The following MAGI3 variants were observed in gnomAD, a reference collection of about 807,000 sequenced individuals.
MAGI3 encodes membrane associated guanylate kinase, WW and PDZ domain containing 3.
MAGI3 carries 43 observed loss-of-function variants against 121.8 expected under a neutral mutation model. That is an observed-to-expected ratio of 0.35 (90% CI 0.28 to 0.46). The LOEUF (loss-of-function observed/expected upper bound fraction) is 0.46. MAGI3 is among the 20% of genes least tolerant of loss of function. The pLI is 1.00. For missense variants in MAGI3, 1,547 were observed against 1,797.3 expected (o/e 0.86, Z 2.52); for synonymous variants, 553 against 639.3 (o/e 0.86, Z 2.04).
At chr1:113,482,191 GGAGA>G (rs1570739863) in intron 1 of MAGI3, among the ~76,000 whole-genome samples, 1 of 152,174 alleles carries the variant, frequency 6.6e-6, no homozygotes, top group Non-Finnish European at 1.5e-5. Context: ...TCAGAAGACA[GGAGA>G]GAGAGACTTT....
intron 5 of MAGI3, 29 bp downstream of exon 5, chr1:113,590,687 G>A (rs1376897870): frequency 6.3e-7 from 1 of 1,599,578 alleles, no homozygotes; most frequent in Non-Finnish European, 8.5e-7. Context: ...CTCTTCTAAT[G>A]TGCCCTAACA....
Position 113,549,618 on chromosome 1 carries a change from G to C in MAGI3, c.420G>C (p.Leu140Phe). Residue 140 changes from leucine (L) to phenylalanine (F), a missense_variant, in exon 2 of 21, where the codon TTG becomes TTC. Coordinates refer to ENST00000307546, the MANE Select transcript of MAGI3 (RefSeq NM_001142782.2). ...LQQVIRDNLY[L>F]RTIPCTTRAP... ...AAGTGATCAGAGATAATCTCTACTT[G>C]AGAACCATTCCATGTAAGTATGTGA... 6.3e-7 allele frequency: 1 copy of C among 1,580,600 alleles called. No homozygotes were observed. Among genetic ancestry groups the C allele is most frequent in the Non-Finnish European group, 8.6e-7 (1 of 1,156,734 alleles).
At chr1:113,668,821 A>T (rs867504853) in intron 16 of MAGI3, among the ~76,000 whole-genome samples, 28 of 151,952 alleles carry the variant, frequency 1.8e-4, no homozygotes, top group South Asian at 6.3e-4. Flanking sequence ...TGACCTCATG[A>T]TCCACCCGCC....
chr1:113,405,473 TCAAAA>T (rs1557737842), intron 1 of MAGI3, among the ~76,000 whole-genome samples: 254 of 21,918 alleles, frequency 0.012, 1 homozygote, highest in African/African-American at 0.049. Flanking sequence ...TGAAACTGTC[TCAAAA>T]AAAAAAAAAA....
intron 9 of MAGI3, among the ~76,000 whole-genome samples, chr1:113,635,084 G>T (rs1651917043): frequency 1.3e-5 from 2 of 152,314 alleles, no homozygotes; most frequent in East Asian, 1.9e-4. Flanking sequence ...CATTGATTTT[G>T]TATCCTGAGA....
intron 1 of MAGI3, among the ~76,000 whole-genome samples, chr1:113,409,255 A>C (rs765609264): frequency 7.2e-5 from 11 of 152,018 alleles, no homozygotes; most frequent in Non-Finnish European, 1.6e-4. Context: ...CTTGTTAGTA[A>C]GAATTAGAAA....
At position 113,684,628 on chromosome 1, in the gene MAGI3, T is replaced by A. The variant is rs1274948827; in HGVS notation, c.*614T>A. The A allele has an allele frequency of 6.6e-6, 1 of 152,374 alleles. No individual in the cohort carries two copies. The highest frequency in any genetic ancestry group is 2.4e-5 in the African/African-American group (1 of 41,472). The allele number at this position is 152,374 out of a possible 1,614,324, so 9.4% of individuals were successfully genotyped here. A position where few individuals can be genotyped will look rare whatever the true frequency, so the allele number is the denominator to read the frequency against. On this transcript the variant is annotated 3_prime_UTR_variant, in exon 21 of 21. Coordinates refer to ENST00000307546, the MANE Select transcript of MAGI3 (RefSeq NM_001142782.2). ...AAAAAAAAATGTAGTCCAATATTGA[T>A]GCTTTCTTATGGCTTTTTATTTTAA...
chr1:113,415,449 T>TA (rs1652249290), intron 1 of MAGI3, among the ~76,000 whole-genome samples: 1 of 152,072 alleles, frequency 6.6e-6, no homozygotes, highest in Non-Finnish European at 1.5e-5. Flanking sequence ...TGAGAATGAA[T>TA]AGTTTCTCCT....
At chr1:113,600,812 C>T (rs1463077494) in intron 6 of MAGI3, among the ~76,000 whole-genome samples, 1 of 152,150 alleles carries the variant, frequency 6.6e-6, no homozygotes, top group Non-Finnish European at 1.5e-5. Flanking sequence ...CACTACCTGA[C>T]TTCAACCTAC....
chr1:113,599,872 C>T (rs1318966223), intron 6 of MAGI3, among the ~76,000 whole-genome samples: 3 of 151,934 alleles, frequency 2.0e-5, no homozygotes, highest in Admixed American at 6.5e-5. Context: ...GCTTATCCAC[C>T]GTGATCAAGT....
At chr1:113,444,325 C>T (rs1239890843) in intron 1 of MAGI3, among the ~76,000 whole-genome samples, 1 of 152,142 alleles carries the variant, frequency 6.6e-6, no homozygotes, top group Admixed American at 6.5e-5. Flanking sequence ...TATACCTACC[C>T]CCATTGTTGC....
At chr1:113,457,366 T>C (rs74111293) in intron 1 of MAGI3, among the ~76,000 whole-genome samples, 1 of 152,298 alleles carries the variant, frequency 6.6e-6, no homozygotes, top group African/African-American at 2.4e-5. Context: ...CAATTTCCCA[T>C]TTGACCCTTA....
At chr1:113,496,024 A>G (rs1416418117) in intron 1 of MAGI3, among the ~76,000 whole-genome samples, 4 of 152,206 alleles carry the variant, frequency 2.6e-5, no homozygotes, top group African/African-American at 9.6e-5. Flanking sequence ...AACCTGACTA[A>G]TGATTTTGAA....
At chr1:113,546,396 G>C (rs148307492) in intron 1 of MAGI3, among the ~76,000 whole-genome samples, 1 of 152,198 alleles carries the variant, frequency 6.6e-6, no homozygotes, top group Non-Finnish European at 1.5e-5. Flanking sequence ...AAGTGCAGCC[G>C]CACGATCTTG....
At position 113,609,351 on chromosome 1, in the gene MAGI3, G is replaced by A. The variant is rs147381606; in HGVS notation, c.1019-5250G>A. ...TAAGATCTTCTAGAAAGACCTTACA[G>A]TTTCTAAAACATGCCCTTTTCTTCC... On this transcript the variant is annotated intron_variant, in intron 6 of 20. Transcript: ENST00000307546. Among the ~76,000 whole-genome samples, 777 of 152,284 alleles carry A rather than the reference G, an allele frequency of 5.1e-3. 4 individuals are homozygous for A. Among genetic ancestry groups the A allele is most frequent in the African/African-American group, 0.018 (750 of 41,562 alleles).
intron 1 of MAGI3, among the ~76,000 whole-genome samples, chr1:113,447,790 G>A (rs766904926): frequency 9.9e-5 from 15 of 151,942 alleles, no homozygotes; most frequent in Non-Finnish European, 1.9e-4. Flanking sequence ...GGAGGCGGAC[G>A]TTGCAGTAGA....
At chr1:113,416,060 A>C (rs563423122) in intron 1 of MAGI3, among the ~76,000 whole-genome samples, 3 of 148,946 alleles carry the variant, frequency 2.0e-5, no homozygotes, top group African/African-American at 7.4e-5. Flanking sequence ...AATGACACAT[A>C]TTAATTATGT....
intron 1 of MAGI3, among the ~76,000 whole-genome samples, chr1:113,549,020 A>C (rs967066295): frequency 6.6e-6 from 1 of 152,214 alleles, no homozygotes; most frequent in Admixed American, 6.5e-5. Context: ...ACAATAGGGA[A>C]AATGTTGGGG....
At chr1:113,417,770 C>T (rs1652530730) in intron 1 of MAGI3, among the ~76,000 whole-genome samples, 1 of 152,084 alleles carries the variant, frequency 6.6e-6, no homozygotes, top group Admixed American at 6.6e-5. Flanking sequence ...GTCTGTAAGT[C>T]TCACTGAGGT....
Sources: gnomAD v4.1 joint callset for allele counts (sites outside exome capture counted in the v4.1 genomes callset) on GRCh38, gnomAD v4.1.1 for gene constraint, MANE v1.5 for transcripts, NCBI Gene and HGNC (gene_info 2026-07-23, HGNC 2026-07-21) for gene names.